HDAC8: variants seen among roughly 807,000 people sequenced by gnomAD.
The protein encoded by HDAC8 is histone deacetylase 8.
In HDAC8, 1 loss-of-function variant was observed where a neutral mutation model predicts 32.2. That is an observed-to-expected ratio of 0.03 (90% CI 0.01 to 0.15). The LOEUF (loss-of-function observed/expected upper bound fraction) is 0.15. Ranked by LOEUF, HDAC8 falls within the 10% of genes least tolerant of loss-of-function variation. The probability of loss-of-function intolerance (pLI) is 1.00; values close to 1 mark genes in which losing one functional copy is unlikely to be tolerated. For synonymous variants in HDAC8, 108 were observed against 113.9 expected (o/e 0.95, Z 0.33); for missense variants, 117 against 300.0 (o/e 0.39, Z 4.51).
chrX:72,512,554 G>T (rs939696849), intron 4 of HDAC8, among the ~76,000 whole-genome samples: 1 of 111,788 alleles, frequency 8.9e-6, no homozygotes, highest in Non-Finnish European at 1.9e-5. Flanking sequence ...GAGGACTTAT[G>T]ATCTCATGTA....
chrX:72,452,112 G>A (rs2047585086), intron 9 of HDAC8, among the ~76,000 whole-genome samples: 1 of 112,665 alleles, frequency 8.9e-6, no homozygotes, highest in Non-Finnish European at 1.9e-5. Flanking sequence ...AACTTCACAA[G>A]AGTAGTCCTG....
intron 9 of HDAC8, among the ~76,000 whole-genome samples, chrX:72,422,358 C>T (rs180780724): frequency 2.6e-4 from 29 of 111,084 alleles, no homozygotes; most frequent in East Asian, 1.7e-3. Context: ...AATTATTCTT[C>T]GTTCTTTTTT....
At chrX:72,467,701 G>T in intron 7 of HDAC8, 1 of 314,640 alleles carries the variant, frequency 3.2e-6, no homozygotes. Context: ...GGCATAATTA[G>T]ATTTCCATTT....
At chrX:72,549,114 A>G (rs782675109) in intron 4 of HDAC8, among the ~76,000 whole-genome samples, 7 of 111,785 alleles carry the variant, frequency 6.3e-5, no homozygotes, top group African/African-American at 1.9e-4. Context: ...CTTCTGTTGC[A>G]GATGCATGCG....
intron 9 of HDAC8, among the ~76,000 whole-genome samples, chrX:72,437,998 G>A (rs1317740779): frequency 8.9e-6 from 1 of 112,146 alleles, no homozygotes; most frequent in Non-Finnish European, 1.9e-5. Context: ...TCTGCTAAGG[G>A]TCAGACTGCC....
At chrX:72,523,174 T>C (rs2050034536) in intron 4 of HDAC8, among the ~76,000 whole-genome samples, 1 of 112,149 alleles carries the variant, frequency 8.9e-6, no homozygotes, top group African/African-American at 3.2e-5. Context: ...TTTTGATACA[T>C]ATTGCTAAAC....
rs2147886798 is a variant in HDAC8, at chrX:72,406,265, G to C, written c.1006-54427C>G. 1.8e-5 allele frequency among the ~76,000 whole-genome samples: 2 copies of C among 111,633 alleles called. 1 individual carries two copies. The highest frequency in any genetic ancestry group is 7.6e-4 in the South Asian group (2 of 2,631). Reference sequence around the variant, plus strand: ...AATTTTTGAGACAGGGTCTATCTCTGTTGCCCAAGTTGGAGTGCAGTGGTA... The same window carrying C: ...AATTTTTGAGACAGGGTCTATCTCTCTTGCCCAAGTTGGAGTGCAGTGGTA... On this transcript the variant is annotated intron_variant, in intron 9 of 10. Coordinates refer to ENST00000373573, the MANE Select transcript of HDAC8 (RefSeq NM_018486.3).
intron 5 of HDAC8, 119 bp from the exon 6 acceptor site, chrX:72,491,125 AC>A: frequency 2.2e-6 from 1 of 463,126 alleles, no homozygotes; most frequent in Non-Finnish European, 3.8e-6. Context: ...GCAATATAAA[AC>A]TAACAAGCTG....
chrX:72,333,771 G>A (rs782571593), intron 10 of HDAC8, among the ~76,000 whole-genome samples: 1 of 110,302 alleles, frequency 9.1e-6, no homozygotes, highest in South Asian at 4.0e-4. Flanking sequence ...GCGTAAATGG[G>A]CCCCATCCAT....
chrX:72,532,325 C>T (rs1556036515), intron 4 of HDAC8, among the ~76,000 whole-genome samples: 1 of 93,165 alleles, frequency 1.1e-5, no homozygotes, highest in Non-Finnish European at 2.0e-5. Flanking sequence ...AACTCCTGGT[C>T]TCAAGCAATC....
At chrX:72,415,843 T>C (rs1445870817) in intron 9 of HDAC8, among the ~76,000 whole-genome samples, 1 of 111,941 alleles carries the variant, frequency 8.9e-6, no homozygotes, top group Non-Finnish European at 1.9e-5. Context: ...AAGGTTTTTG[T>C]TACATTCCTT....
intron 9 of HDAC8, among the ~76,000 whole-genome samples, chrX:72,461,251 C>G (rs1233589815): frequency 9.0e-6 from 1 of 111,527 alleles, no homozygotes; most frequent in Non-Finnish European, 1.9e-5. Context: ...ACATCTTGAT[C>G]TATAACATGG....
At chrX:72,435,715 C>T (rs946151039) in intron 9 of HDAC8, among the ~76,000 whole-genome samples, 2 of 111,733 alleles carry the variant, frequency 1.8e-5, no homozygotes, top group Non-Finnish European at 3.8e-5. Context: ...CACCTGTAAT[C>T]CCAGCATGTT....
chrX:72,369,052 G>A (rs782769094), intron 9 of HDAC8, among the ~76,000 whole-genome samples: 14 of 111,347 alleles, frequency 1.3e-4, no homozygotes, highest in Non-Finnish European at 2.6e-4. Flanking sequence ...CCTCGTCCAG[G>A]CTCTCAGTTT....
intron 9 of HDAC8, among the ~76,000 whole-genome samples, chrX:72,434,604 A>G (rs1475188930): frequency 5.4e-5 from 6 of 111,875 alleles, no homozygotes; most frequent in Non-Finnish European, 3.8e-5. Context: ...ATCACATAGT[A>G]CCTAATACAG....
rs1556169566 is a variant in HDAC8, at chrX:72,572,820, C to G, written c.-59G>C. 1 of 976,065 alleles carries G rather than the reference C, an allele frequency of 1.0e-6. No individual in the cohort carries two copies. Among genetic ancestry groups the G allele is most frequent in the Non-Finnish European group, 1.5e-6 (1 of 684,748 alleles). 80.4% of individuals were successfully genotyped at this position (976,065 alleles called of 1,213,427 possible). On this transcript the variant is annotated 5_prime_UTR_variant, in exon 1 of 11. Coordinates refer to ENST00000373573, the MANE Select transcript of HDAC8 (RefSeq NM_018486.3). ...AGATCTGGCTTTTTTCGGACTCGGC[C>G]AGGGTTCCAGTTCCTGCTCCTCTGA...
chrX:72,394,162 G>C (rs1001035264), intron 9 of HDAC8, among the ~76,000 whole-genome samples: 10 of 111,598 alleles, frequency 9.0e-5, no homozygotes, highest in African/African-American at 3.3e-4. Flanking sequence ...AAATAATAAT[G>C]GCATTTTGGA....
intron 9 of HDAC8, among the ~76,000 whole-genome samples, chrX:72,436,048 GA>G (rs371096583): frequency 1.9e-5 from 2 of 104,341 alleles, no homozygotes; most frequent in Admixed American, 1.0e-4. Context: ...AAAAGAAACT[GA>G]AAAAAAAAAT....
chrX:72,347,209 C>T (rs1382471450), intron 10 of HDAC8, among the ~76,000 whole-genome samples: 1 of 111,733 alleles, frequency 8.9e-6, no homozygotes, highest in Non-Finnish European at 1.9e-5. Flanking sequence ...AGCTATTCTT[C>T]TTATTATTTC....
Sources: allele counts gnomAD v4.1 joint callset (sites outside exome capture counted in the v4.1 genomes callset), GRCh38; gene constraint gnomAD v4.1.1; transcripts MANE v1.5; gene names NCBI Gene and HGNC (gene_info 2026-07-23, HGNC 2026-07-21).